The following SPATS2 variants were observed in gnomAD, a reference collection of about 807,000 sequenced individuals.
SPATS2 encodes spermatogenesis-associated serine-rich protein 2.
SPATS2 carries 38 observed loss-of-function variants against 63.7 expected under a neutral mutation model. That is an observed-to-expected ratio of 0.60 (90% CI 0.46 to 0.78). The LOEUF (loss-of-function observed/expected upper bound fraction) is 0.78. SPATS2 is among the 30% of genes least tolerant of loss of function. The pLI is 0.00. For missense variants in SPATS2, 588 were observed against 666.2 expected, an observed-to-expected ratio of 0.88 and a Z score of 1.29; for synonymous variants, 207 against 232.9, an observed-to-expected ratio of 0.89 and a Z score of 1.01.
intron 2 of SPATS2, among the ~76,000 whole-genome samples, chr12:49,458,428 A>G (rs1317267545): frequency 6.6e-6 from 1 of 152,116 alleles, no homozygotes; most frequent in Non-Finnish European, 1.5e-5. Flanking sequence ...AGATCGCGCC[A>G]TTGCACTCCA....
In SPATS2 at chr12:49,522,854, G is replaced by GT; in HGVS notation, c.1111+2dup. ...AAGAGCATTGATTCATTTGGACAAG[G>GT]TGAGATGGTGAGAGGGTCTGGGCAC... On this transcript the variant is annotated splice_donor_variant, in intron 12 of 13. Transcript: ENST00000552918. LOFTEE classifies it high-confidence loss of function. 1 of 1,611,992 alleles carries GT rather than the reference G, an allele frequency of 6.2e-7. No homozygotes were observed. Among genetic ancestry groups the GT allele is most frequent in the Non-Finnish European group, 8.5e-7 (1 of 1,178,430 alleles).
chr12:49,422,650 C>T (rs1945003345), intron 2 of SPATS2, among the ~76,000 whole-genome samples: 1 of 152,126 alleles, frequency 6.6e-6, no homozygotes, highest in South Asian at 2.1e-4. Context: ...CCTGTAATCC[C>T]AGCACTTTGG....
chr12:49,389,785 T>C (rs1944388127), intron 2 of SPATS2: 1 of 1,174,484 alleles, frequency 8.5e-7, no homozygotes, highest in Non-Finnish European at 1.3e-6. Context: ...CGTACATCCC[T>C]GGAAGAACAT....
intron 3 of SPATS2, among the ~76,000 whole-genome samples, chr12:49,465,589 A>G (rs1330471046): frequency 6.6e-6 from 1 of 152,168 alleles, no homozygotes; most frequent in Non-Finnish European, 1.5e-5. Context: ...TTCTGAATAC[A>G]AGTTCTTTAT....
intron 3 of SPATS2, among the ~76,000 whole-genome samples, chr12:49,468,113 C>T (rs1945958909): frequency 6.8e-6 from 1 of 146,618 alleles, no homozygotes; most frequent in Non-Finnish European, 1.5e-5. Flanking sequence ...TTCTTTTTCT[C>T]TTTCTTTCTT....
At chr12:49,379,523 C>T (rs1476182149) in intron 2 of SPATS2, among the ~76,000 whole-genome samples, 1 of 115,152 alleles carries the variant, frequency 8.7e-6, no homozygotes, top group Non-Finnish European at 1.7e-5. Context: ...TGCACTCCAG[C>T]ATGGGTGACA....
intron 2 of SPATS2, chr12:49,390,036 C>G (rs1471345240): frequency 3.1e-6 from 3 of 967,150 alleles, no homozygotes; most frequent in Admixed American, 1.7e-5. Context: ...AACAAGAAAA[C>G]AAAGGCGTTA....
chr12:49,470,006 A>AT (rs1946005721), intron 3 of SPATS2, among the ~76,000 whole-genome samples: 2 of 151,890 alleles, frequency 1.3e-5, no homozygotes, highest in South Asian at 4.2e-4. Flanking sequence ...CAAAGACAAG[A>AT]TTTTATTCTG....
chr12:49,368,172 A>G (rs985770067), intron 1 of SPATS2, among the ~76,000 whole-genome samples: 2 of 152,198 alleles, frequency 1.3e-5, no homozygotes, highest in Non-Finnish European at 2.9e-5. Flanking sequence ...GACTACAGTG[A>G]TATTTTTCTC....
chr12:49,516,195 ATATATATATATAT>A (rs1565760957), intron 10 of SPATS2, among the ~76,000 whole-genome samples: 1 of 107,254 alleles, frequency 9.3e-6, no homozygotes, highest in Non-Finnish European at 1.9e-5. Context: ...ATATATATAT[ATATATATATATAT>A]AAATCAGGCA....
In SPATS2 at chr12:49,449,822, GAC is replaced by G. The variant is rs372524948; in HGVS notation, c.-243-10944_-243-10943del. 1.9e-3 allele frequency among the ~76,000 whole-genome samples: 292 copies of G among 152,286 alleles called. 2 individuals carry two copies. The highest frequency in any genetic ancestry group is 6.7e-3 in the African/African-American group (277 of 41,556). On this transcript the variant is annotated intron_variant, in intron 2 of 13. Transcript: ENST00000552918. ...GTTATCTCCACCTGTCCCCACCCTT[GAC>G]ACATGGGGATTATTACAATTCAAGG...
intron 9 of SPATS2, among the ~76,000 whole-genome samples, chr12:49,505,587 G>T (rs1237066554): frequency 6.6e-6 from 1 of 152,218 alleles, no homozygotes. Context: ...GCTCAAAAAA[G>T]TACAGCTTTT....
At chr12:49,440,071 T>C (rs1945389805) in intron 2 of SPATS2, among the ~76,000 whole-genome samples, 1 of 152,372 alleles carries the variant, frequency 6.6e-6, no homozygotes, top group Non-Finnish European at 1.5e-5. Context: ...ATGCTTTCTT[T>C]AGCACCAAAT....
Position 49,403,642 on chromosome 12 carries a change from A to ACAC in SPATS2, c.-244+32352_-244+32353insCAC, listed in dbSNP as rs1555180281. ...ACACACACACACACACACACACACAAACAAAACTGGAATTCTCTGTTATGG... is the reference window on the plus strand; with the variant it reads ...ACACACACACACACACACACACACAACACACAAAACTGGAATTCTCTGTTATGG... On this transcript the variant is annotated intron_variant, in intron 2 of 13. Transcript: ENST00000552918. Among the ~76,000 whole-genome samples the ACAC allele has an allele frequency of 4.1e-3, 488 of 118,058 alleles. 8 individuals carry two copies. The highest frequency in any genetic ancestry group is 0.014 in the African/African-American group (457 of 31,950). The allele number at this position is 118,058 out of a possible 152,430, so 77.5% of individuals were successfully genotyped here.
At chr12:49,506,788 T>TTGC (rs1946661293) in intron 9 of SPATS2, among the ~76,000 whole-genome samples, 1 of 151,848 alleles carries the variant, frequency 6.6e-6, no homozygotes, top group Non-Finnish European at 1.5e-5. Flanking sequence ...GGCCATGATC[T>TTGC]TGCCACTGTA....
At chr12:49,449,417 T>C (rs905149893) in intron 2 of SPATS2, among the ~76,000 whole-genome samples, 1 of 152,184 alleles carries the variant, frequency 6.6e-6, no homozygotes, top group Non-Finnish European at 1.5e-5. Context: ...GGTTTCACCA[T>C]GTTGGTTAGG....
chr12:49,436,646 G>A lies in SPATS2; in HGVS notation c.-243-24124G>A, dbSNP rs567580491. Among the ~76,000 whole-genome samples, 417 of 128,634 alleles carry A rather than the reference G, an allele frequency of 3.2e-3. 3 individuals carry two copies. Among genetic ancestry groups the A allele is most frequent in the Non-Finnish European group, 5.6e-3 (326 of 58,488 alleles). 84.4% of individuals were successfully genotyped at this position (128,634 alleles called of 152,430 possible). A position where few individuals can be genotyped will look rare whatever the true frequency, so the allele number is the denominator to read the frequency against. On this transcript the variant is annotated intron_variant, in intron 2 of 13. Coordinates refer to ENST00000552918, the MANE Select transcript of SPATS2 (RefSeq NM_023071.4). ...TCCCTCCCGGACGGGGCGGCTGGCC[G>A]GGCAGAGGGGCTCCTCTCTTCCCAG...
intron 3 of SPATS2, among the ~76,000 whole-genome samples, chr12:49,467,294 C>T (rs1421679824): frequency 6.7e-6 from 1 of 150,202 alleles, no homozygotes; most frequent in Non-Finnish European, 1.5e-5. Context: ...GATATCCTGA[C>T]CTCGTGATCC....
intron 2 of SPATS2, chr12:49,389,754 C>T (rs752116587): frequency 1.3e-4 from 189 of 1,488,402 alleles, no homozygotes; most frequent in Non-Finnish European, 1.7e-4. Context: ...CAGAGAATTG[C>T]AACAAGAAAG....
Sources: allele counts gnomAD v4.1 joint callset (sites outside exome capture counted in the v4.1 genomes callset), GRCh38; gene constraint gnomAD v4.1.1; transcripts MANE v1.5; gene names NCBI Gene and HGNC (gene_info 2026-07-23, HGNC 2026-07-21).